Variants in SLCO1B1 observed in about 807,000 individuals in gnomAD.
SLCO1B1 encodes OATP-2.
Under a neutral mutation model 70.1 loss-of-function variants are expected in SLCO1B1, and 81 were observed. The ratio of observed to expected loss-of-function variants is 1.16; its 90% CI spans 0.97 to 1.39. The LOEUF (loss-of-function observed/expected upper bound fraction) is 1.39. SLCO1B1 is among the 40% of genes most tolerant of loss of function. The pLI is 0.00. For synonymous variants in SLCO1B1, 283 were observed against 271.5 expected (o/e 1.04, Z -0.42); for missense variants, 895 against 799.6 (o/e 1.12, Z -1.44).
At chr12:21,165,275 C>A (rs2121085289) in intron 2 of SLCO1B1, among the ~76,000 whole-genome samples, 1 of 152,154 alleles carries the variant, frequency 6.6e-6, no homozygotes, top group African/African-American at 2.4e-5. Flanking sequence ...ACATTTATAT[C>A]TCTGGTTTTT....
intron 14 of SLCO1B1, among the ~76,000 whole-genome samples, chr12:21,231,901 C>G (rs192440108): frequency 4.2e-4 from 64 of 152,238 alleles, no homozygotes; most frequent in East Asian, 3.1e-3. Flanking sequence ...CAAGGCCAAA[C>G]AGCCAGTATT....
chr12:21,132,115 T>G (rs976336722), intron 1 of SLCO1B1, among the ~76,000 whole-genome samples: 1 of 152,012 alleles, frequency 6.6e-6, no homozygotes, highest in Non-Finnish European at 1.5e-5. Context: ...CGATAGTTTG[T>G]TGAGAATGAT....
intron 7 of SLCO1B1, among the ~76,000 whole-genome samples, chr12:21,180,254 T>A (rs1345807199): frequency 6.6e-6 from 1 of 152,184 alleles, no homozygotes; most frequent in African/African-American, 2.4e-5. Flanking sequence ...TGAGTTACTG[T>A]GCCCTGTAAT....
intron 12 of SLCO1B1, among the ~76,000 whole-genome samples, chr12:21,219,488 CTT>C (rs551749938): frequency 9.5e-4 from 144 of 152,280 alleles, no homozygotes; most frequent in African/African-American, 3.3e-3. Context: ...ACAGGAAAGA[CTT>C]TGAAATATAT....
At chr12:21,230,156 G>A (rs918631039) in intron 14 of SLCO1B1, among the ~76,000 whole-genome samples, 1 of 152,008 alleles carries the variant, frequency 6.6e-6, no homozygotes. Context: ...GCCTGTTAAT[G>A]TAATGAACTG....
At chr12:21,164,878 A>G in intron 2 of SLCO1B1, 1 of 475,312 alleles carries the variant, frequency 2.1e-6, no homozygotes, top group South Asian at 1.5e-5. Context: ...CAATTATAAA[A>G]CTCAATACAT....
At chr12:21,144,426 C>A (rs777415180) in intron 2 of SLCO1B1, among the ~76,000 whole-genome samples, 14 of 151,584 alleles carry the variant, frequency 9.2e-5, no homozygotes, top group African/African-American at 1.5e-4. Flanking sequence ...GTAAAGAGAC[C>A]AAGCCTGTGA....
At chr12:21,221,179 A>G (rs1208833428) in intron 12 of SLCO1B1, among the ~76,000 whole-genome samples, 1 of 152,204 alleles carries the variant, frequency 6.6e-6, no homozygotes, top group Non-Finnish European at 1.5e-5. Context: ...AATAAAAGCT[A>G]TGTATGACAA....
intron 14 of SLCO1B1, among the ~76,000 whole-genome samples, chr12:21,237,466 T>C (rs1941607138): frequency 6.6e-6 from 1 of 152,164 alleles, no homozygotes; most frequent in Non-Finnish European, 1.5e-5. Context: ...TTTTCTCCCC[T>C]ATAGATAAAA....
chr12:21,226,562 T>G (rs561905088), intron 14 of SLCO1B1, among the ~76,000 whole-genome samples: 4 of 152,182 alleles, frequency 2.6e-5, no homozygotes, highest in African/African-American at 9.6e-5. Flanking sequence ...AAGATAAGGA[T>G]GAGTAGGTGG....
intron 1 of SLCO1B1, among the ~76,000 whole-genome samples, chr12:21,137,535 T>C (rs941929765): frequency 2.6e-5 from 4 of 152,120 alleles, no homozygotes; most frequent in African/African-American, 9.7e-5. Context: ...AACTCAGCAA[T>C]GGTGGCCGCC....
chr12:21,206,243 G>C (rs185479358), intron 11 of SLCO1B1, among the ~76,000 whole-genome samples: 2 of 151,934 alleles, frequency 1.3e-5, no homozygotes, highest in African/African-American at 4.8e-5. Flanking sequence ...TCTGTTACTT[G>C]AATTCTAATT....
chr12:21,222,625 C>G (rs541384306), intron 13 of SLCO1B1, among the ~76,000 whole-genome samples: 22 of 151,536 alleles, frequency 1.5e-4, no homozygotes, highest in African/African-American at 5.3e-4. Context: ...TACATAAAGT[C>G]AATCTGTTAA....
In SLCO1B1 at chr12:21,177,908, C is replaced by CA. The variant is rs544502183; in HGVS notation, c.482-668_482-667insA. Among the ~76,000 whole-genome samples, 184 of 151,972 alleles carry CA rather than the reference C, an allele frequency of 1.2e-3. 3 individuals carry two copies. Among genetic ancestry groups the CA allele is most frequent in the African/African-American group, 4.3e-3 (179 of 41,460 alleles). Reference sequence around the variant, plus strand: ...TATAATATGGTGTTAACTGTGTATACCATTTAACAATATGAACTAGATTTT... The same window carrying CA: ...TATAATATGGTGTTAACTGTGTATACACATTTAACAATATGAACTAGATTTT... On this transcript the variant is annotated intron_variant, in intron 5 of 14. Coordinates refer to ENST00000256958, the MANE Select transcript of SLCO1B1 (RefSeq NM_006446.5).
chr12:21,194,812 T>C (rs59459177), intron 7 of SLCO1B1, among the ~76,000 whole-genome samples: 1,537 of 152,334 alleles, frequency 0.01, 34 homozygotes, highest in South Asian at 0.039. Context: ...TTAATTGGCT[T>C]ATGATTCTGC....
chr12:21,165,407 C>T (rs1427871636), intron 2 of SLCO1B1, among the ~76,000 whole-genome samples: 6 of 152,116 alleles, frequency 3.9e-5, no homozygotes, highest in Admixed American at 3.9e-4. Flanking sequence ...TAGGGAGCCA[C>T]ACATATGTCC....
At chr12:21,180,761 C>T (rs186073414) in intron 7 of SLCO1B1, among the ~76,000 whole-genome samples, 1 of 152,302 alleles carries the variant, frequency 6.6e-6, no homozygotes, top group East Asian at 1.9e-4. Flanking sequence ...TATTTCTACT[C>T]ATTCAACTCC....
chr12:21,230,193 A>G (rs750294048), intron 14 of SLCO1B1, among the ~76,000 whole-genome samples: 1 of 152,176 alleles, frequency 6.6e-6, no homozygotes, highest in Admixed American at 6.5e-5. Flanking sequence ...ATGTTGAACC[A>G]GTCTTGGAAA....
At chr12:21,138,435 C>T (rs1448695642) in intron 1 of SLCO1B1, among the ~76,000 whole-genome samples, 5 of 152,118 alleles carry the variant, frequency 3.3e-5, no homozygotes, top group Non-Finnish European at 7.4e-5. Flanking sequence ...AAAATATGTT[C>T]AGAGAAAAAT....
Sources: allele counts gnomAD v4.1 joint callset (sites outside exome capture counted in the v4.1 genomes callset), GRCh38; gene constraint gnomAD v4.1.1; transcripts MANE v1.5; gene names NCBI Gene and HGNC (gene_info 2026-07-23, HGNC 2026-07-21).